The following SENP8 variants were observed in gnomAD, a reference collection of about 807,000 sequenced individuals.
SENP8 encodes SUMO peptidase family member, NEDD8 specific.
Under a neutral mutation model 14.4 loss-of-function variants are expected in SENP8, and 10 were observed. That is an observed-to-expected ratio of 0.69 (90% confidence interval 0.43 to 1.18). The LOEUF (loss-of-function observed/expected upper bound fraction) is 1.18. Among genes scored for constraint, SENP8 ranks in the 50% most tolerant of loss-of-function variants. SENP8 has a pLI of 0.00. For synonymous variants in SENP8, 94 were observed against 95.5 expected (o/e 0.98, Z 0.09); for missense variants, 202 against 249.4 (o/e 0.81, Z 1.28).
intron 1 of SENP8, among the ~76,000 whole-genome samples, chr15:72,128,092 A>G (rs1387442249): frequency 6.6e-6 from 1 of 151,752 alleles, no homozygotes; most frequent in Non-Finnish European, 1.5e-5. Context: ...GACGTTTTCA[A>G]AGAAAGAGAG....
chr15:72,126,500 C>G (rs1157338772), intron 1 of SENP8, among the ~76,000 whole-genome samples: 2 of 152,158 alleles, frequency 1.3e-5, no homozygotes, highest in African/African-American at 4.8e-5. Flanking sequence ...TGGCAGTTGC[C>G]TGTAATCCCA....
upstream of SENP8, chr15:72,118,115 G>T (rs2081074163): frequency 2.6e-6 from 1 of 384,702 alleles, no homozygotes; most frequent in South Asian, 1.3e-4. Flanking sequence ...CCCGCCCCGC[G>T]CGACTCCCCG....
intron 1 of SENP8, chr15:72,134,910 A>G: frequency 3.4e-6 from 1 of 294,092 alleles, no homozygotes; most frequent in Non-Finnish European, 6.7e-6. Context: ...ATTAACGTGC[A>G]TATTGAGTGC....
intron 1 of SENP8, among the ~76,000 whole-genome samples, chr15:72,133,084 TC>T (rs2081290854): frequency 6.6e-6 from 1 of 152,126 alleles, no homozygotes; most frequent in Non-Finnish European, 1.5e-5. Flanking sequence ...GACGGGAGAA[TC>T]GCTTGAACCC....
At chr15:72,123,452 T>A (rs79424573) in intron 1 of SENP8, among the ~76,000 whole-genome samples, 9,968 of 152,252 alleles carry the variant, frequency 0.065, 410 homozygotes, top group Middle Eastern at 0.17. Context: ...CTCAGAAAAT[T>A]TGAAGCAAAA....
At position 72,141,648 on chromosome 15, in the gene SENP8, G is replaced by C. The variant is rs1163023328; in HGVS notation, c.*1386G>C. 3.3e-5 allele frequency: 5 copies of C among 152,182 alleles called. No individual in the cohort carries two copies. The highest frequency in any genetic ancestry group is 3.3e-4 in the Admixed American group (5 of 15,286). The allele number at this position is 152,182 out of a possible 1,614,324, so 9.4% of individuals were successfully genotyped here. A position where few individuals can be genotyped will look rare whatever the true frequency, so the allele number is the denominator to read the frequency against. ...TAGCCGAGAAGGGAAAACACAGTAAGGGTAAATAAGTACAGGTTACATAGC... is the reference window on the plus strand; with the variant it reads ...TAGCCGAGAAGGGAAAACACAGTAACGGTAAATAAGTACAGGTTACATAGC... On this transcript the variant is annotated 3_prime_UTR_variant, in exon 2 of 2. Transcript: ENST00000340912.
chr15:72,117,779 C>G (rs2081053941), upstream of SENP8: 1 of 398,070 alleles, frequency 2.5e-6, no homozygotes, highest in South Asian at 1.3e-4. Flanking sequence ...GCAGAAGAGG[C>G]CGAGGCCACC....
At chr15:72,138,762 A>G (rs760368438) in intron 1 of SENP8, among the ~76,000 whole-genome samples, 1 of 150,892 alleles carries the variant, frequency 6.6e-6, no homozygotes, top group Non-Finnish European at 1.5e-5. Flanking sequence ...GGAATTCGAG[A>G]CCAGCCTGGC....
At chr15:72,118,164 G>T, upstream of SENP8, 1 of 368,184 alleles carries the variant, frequency 2.7e-6, no homozygotes, top group Non-Finnish European at 4.8e-6. Context: ...TACCTCCCAC[G>T]CCCCCTACTG....
intron 1 of SENP8, among the ~76,000 whole-genome samples, chr15:72,126,326 TAAAAG>T (rs1323833439): frequency 1.3e-5 from 2 of 152,060 alleles, no homozygotes; most frequent in African/African-American, 4.8e-5. Context: ...ATTTTGCAGA[TAAAAG>T]AAAATTTCCG....
In SENP8 at chr15:72,139,722, G is replaced by A. The variant is rs1468612058; in HGVS notation, c.99G>A (p.Gly33=). 1.2e-6 allele frequency: 2 copies of A among 1,614,018 alleles called. No individual in the cohort carries two copies. The highest frequency in any genetic ancestry group is 2.7e-5 in the African/African-American group (2 of 74,900). The change falls in exon 2 of 2, where the codon GGG becomes GGA. Residue 33 remains glycine, a synonymous_variant. Transcript: ENST00000340912. ...PPSWLNDHII[G]FAFEYFANSQ... ...GCTGGCTCAATGACCATATTATTGG[G>A]TTTGCGTTTGAGTACTTTGCCAACA...
upstream of SENP8, chr15:72,117,901 A>AT: frequency 2.5e-6 from 1 of 398,350 alleles, no homozygotes; most frequent in Non-Finnish European, 4.4e-6. Flanking sequence ...GAGCAGGCAC[A>AT]TCCCCCGCCG....
intron 1 of SENP8, among the ~76,000 whole-genome samples, chr15:72,132,007 C>T (rs964004591): frequency 6.6e-6 from 1 of 152,068 alleles, no homozygotes; most frequent in Non-Finnish European, 1.5e-5. Context: ...GTTTTTAATT[C>T]GTGTAACAAC....
intron 1 of SENP8, among the ~76,000 whole-genome samples, chr15:72,120,695 A>G (rs2081159966): frequency 6.6e-6 from 1 of 152,248 alleles, no homozygotes; most frequent in Non-Finnish European, 1.5e-5. Context: ...TGTGTGATAT[A>G]TATGCACTTT....
chr15:72,132,494 C>T lies in SENP8; in HGVS notation c.-47-7083C>T, dbSNP rs1233667478. On this transcript the variant is annotated intron_variant, in intron 1 of 1. Coordinates refer to ENST00000340912, the MANE Select transcript of SENP8 (RefSeq NM_145204.4). ...TTTATTGCACTTCAGATATGCCAGG[C>T]ACAGTGCTCACTACATAGAAAATAT... Among the ~76,000 whole-genome samples the T allele has an allele frequency of 2.0e-5, 3 of 152,086 alleles. No homozygotes were observed. In the East Asian group the frequency reaches 5.8e-4, roughly 29 times the overall value.
At chr15:72,118,709 G>A (rs2081102091) in intron 1 of SENP8, 1 of 152,296 alleles carries the variant, frequency 6.6e-6, no homozygotes, top group African/African-American at 2.4e-5. Context: ...CCATGCCTTG[G>A]GTTCCAGAAT....
intron 1 of SENP8, among the ~76,000 whole-genome samples, chr15:72,129,445 C>T (rs956717383): frequency 2.0e-5 from 3 of 151,782 alleles, no homozygotes; most frequent in Non-Finnish European, 4.4e-5. Flanking sequence ...TCACTGCAGC[C>T]TCCGCCTCCT....
chr15:72,138,761 GA>G (rs958316854), intron 1 of SENP8, among the ~76,000 whole-genome samples: 1 of 151,016 alleles, frequency 6.6e-6, no homozygotes, highest in African/African-American at 2.4e-5. Flanking sequence ...AGGAATTCGA[GA>G]CCAGCCTGGC....
intron 1 of SENP8, among the ~76,000 whole-genome samples, chr15:72,119,068 A>T (rs964970028): frequency 6.6e-6 from 1 of 152,226 alleles, no homozygotes; most frequent in Non-Finnish European, 1.5e-5. Context: ...AAACCGTACT[A>T]GTGTAGACTT....
Sources: allele counts gnomAD v4.1 joint callset (sites outside exome capture counted in the v4.1 genomes callset), GRCh38; gene constraint gnomAD v4.1.1; transcripts MANE v1.5; gene names NCBI Gene and HGNC (gene_info 2026-07-23, HGNC 2026-07-21).